Variants in DIP2B observed in about 807,000 individuals in gnomAD.
The protein encoded by DIP2B is disco-interacting protein 2 homolog B.
A neutral mutation model predicts 198.0 loss-of-function variants in DIP2B; 76 were observed. The observed-to-expected ratio is 0.38, with a 90% confidence interval of 0.32 to 0.46. The LOEUF is 0.46. Ranked by LOEUF, DIP2B falls within the 20% of genes least tolerant of loss-of-function variation. The probability of loss-of-function intolerance (pLI) is 0.99; values close to 1 mark genes in which losing one functional copy is unlikely to be tolerated. For synonymous variants in DIP2B, 701 were observed against 739.1 expected, an observed-to-expected ratio of 0.95 and a Z score of 0.84; for missense variants, 1,559 against 1,978.4, an observed-to-expected ratio of 0.79 and a Z score of 4.02.
chr12:50,599,601 G>A (rs567239588), intron 1 of DIP2B, among the ~76,000 whole-genome samples: 24 of 152,222 alleles, frequency 1.6e-4, no homozygotes, highest in African/African-American at 2.6e-4. Context: ...GGGCAACAGC[G>A]CAAGACTCAG....
At chr12:50,518,514 G>C (rs1326880795) in intron 1 of DIP2B, among the ~76,000 whole-genome samples, 1 of 152,112 alleles carries the variant, frequency 6.6e-6, no homozygotes, top group Non-Finnish European at 1.5e-5. Context: ...CGGCCCTTGG[G>C]CAAGTCTTTG....
intron 4 of DIP2B, among the ~76,000 whole-genome samples, chr12:50,663,580 A>AAATAAATAAATAAATC (rs1565863175): frequency 3.3e-5 from 5 of 151,506 alleles, no homozygotes; most frequent in African/African-American, 7.3e-5. Context: ...ATAAATAAAT[A>AAATAAATAAATAAATC]AAACAGTTGT....
At chr12:50,725,010 A>G (rs1939905833) in intron 28 of DIP2B, 124 bp downstream of exon 28, 1 of 886,764 alleles carries the variant, frequency 1.1e-6, no homozygotes, top group Non-Finnish European at 1.8e-6. Flanking sequence ...AGACAGAGGC[A>G]AAACCTAGGA....
chr12:50,694,953 G>GA (rs1447903968), intron 14 of DIP2B, among the ~76,000 whole-genome samples: 1 of 151,958 alleles, frequency 6.6e-6, no homozygotes, highest in Non-Finnish European at 1.5e-5. Flanking sequence ...TGTATAATAT[G>GA]ATGTCTTTTA....
At chr12:50,702,339 C>G (rs1052114800) in intron 19 of DIP2B, among the ~76,000 whole-genome samples, 10 of 149,660 alleles carry the variant, frequency 6.7e-5, no homozygotes, top group Non-Finnish European at 1.3e-4. Flanking sequence ...GAGCGAGACT[C>G]TGTCTCAAAA....
At chr12:50,731,885 T>A (rs190217691) in intron 31 of DIP2B, among the ~76,000 whole-genome samples, 2 of 152,272 alleles carry the variant, frequency 1.3e-5, no homozygotes, top group East Asian at 3.9e-4. Context: ...ATTCAGAATA[T>A]CTCCAAAGAT....
At chr12:50,594,299 G>T (rs763097366) in intron 1 of DIP2B, among the ~76,000 whole-genome samples, 23 of 151,924 alleles carry the variant, frequency 1.5e-4, no homozygotes, top group Non-Finnish European at 2.8e-4. Flanking sequence ...CTTCTCCACT[G>T]CCTCAATAAT....
chr12:50,569,509 T>A (rs183782648), intron 1 of DIP2B, among the ~76,000 whole-genome samples: 2 of 152,204 alleles, frequency 1.3e-5, no homozygotes, highest in African/African-American at 4.8e-5. Context: ...TTCGTTGGGC[T>A]CCTTCCTTTG....
intron 1 of DIP2B, among the ~76,000 whole-genome samples, chr12:50,564,323 A>T (rs1368646263): frequency 6.6e-6 from 1 of 152,202 alleles, no homozygotes; most frequent in Non-Finnish European, 1.5e-5. Context: ...CGATGGGATG[A>T]ACATTGTTGT....
chr12:50,649,723 A>G (rs1209515250), intron 3 of DIP2B, among the ~76,000 whole-genome samples: 2 of 151,908 alleles, frequency 1.3e-5, no homozygotes, highest in Non-Finnish European at 2.9e-5. Flanking sequence ...GGGTATGGTG[A>G]TGAGTGCCTG....
At chr12:50,717,388 T>G (rs1387699323) in intron 23 of DIP2B, among the ~76,000 whole-genome samples, 1 of 96,798 alleles carries the variant, frequency 1.0e-5, no homozygotes, top group Non-Finnish European at 1.9e-5. Flanking sequence ...TTTTTTGAGA[T>G]GGAGTCTCGC....
In DIP2B at chr12:50,706,170, A is replaced by G. The variant is rs572015906; in HGVS notation, c.2407-368A>G. Among the ~76,000 whole-genome samples, 10 of 152,278 alleles carry G rather than the reference A, an allele frequency of 6.6e-5. No individual in the cohort carries two copies. In the South Asian group the frequency reaches 2.1e-3, roughly 32 times the overall value. On this transcript the variant is annotated intron_variant, in intron 20 of 37. Coordinates refer to ENST00000301180, the MANE Select transcript of DIP2B (RefSeq NM_173602.3). The stretch of plus-strand genomic sequence containing the variant: ...CCTAATTCCAACAGTAAATGAATAC[A>G]TTTTTCTTCCTCTGTATCCTCTGAA...
intron 1 of DIP2B, among the ~76,000 whole-genome samples, chr12:50,516,237 CTCTCTCTCTA>C (rs1316508888): frequency 3.4e-4 from 51 of 149,932 alleles, no homozygotes; most frequent in African/African-American, 7.0e-4. Flanking sequence ...CTCTCTCTCT[CTCTCTCTCTA>C]TCTCTATCTC....
chr12:50,505,261 A>G, intron 1 of DIP2B, 21 bp downstream of exon 1: 2 of 1,475,934 alleles, frequency 1.4e-6, no homozygotes, highest in Non-Finnish European at 1.8e-6. Flanking sequence ...GGCCGGGGAG[A>G]GGGCGCCCGG....
intron 3 of DIP2B, among the ~76,000 whole-genome samples, chr12:50,644,445 A>G (rs964520471): frequency 1.3e-5 from 2 of 152,232 alleles, no homozygotes; most frequent in African/African-American, 2.4e-5. Flanking sequence ...TTCAGCTCAA[A>G]CATGAATACT....
chr12:50,710,868 G>A (rs544839753), intron 22 of DIP2B, among the ~76,000 whole-genome samples: 4 of 152,318 alleles, frequency 2.6e-5, no homozygotes, highest in Admixed American at 2.6e-4. Context: ...TATGAAGAAG[G>A]TAGAACGGGG....
At chr12:50,681,756 T>C (rs1266233689) in intron 9 of DIP2B, among the ~76,000 whole-genome samples, 1 of 152,216 alleles carries the variant, frequency 6.6e-6, no homozygotes, top group Non-Finnish European at 1.5e-5. Flanking sequence ...AAAATACTTT[T>C]GCATTGTGAC....
At chr12:50,621,790 C>CTGTAGGCCTAGCAT (rs1937816957) in intron 1 of DIP2B, among the ~76,000 whole-genome samples, 1 of 152,206 alleles carries the variant, frequency 6.6e-6, no homozygotes, top group South Asian at 2.1e-4. Flanking sequence ...TTTAAAGATA[C>CTGTAGGCCTAGCAT]TGTAGGCCTA....
intron 1 of DIP2B, among the ~76,000 whole-genome samples, chr12:50,508,333 C>A (rs1443138714): frequency 6.6e-6 from 1 of 152,192 alleles, no homozygotes; most frequent in Non-Finnish European, 1.5e-5. Context: ...ATATGCTTGA[C>A]AGCTCTGTTG....
Sources: allele counts gnomAD v4.1 joint callset (sites outside exome capture counted in the v4.1 genomes callset), GRCh38; gene constraint gnomAD v4.1.1; transcripts MANE v1.5; gene names NCBI Gene and HGNC (gene_info 2026-07-23, HGNC 2026-07-21).